The following TFB1M variants were observed in gnomAD, a reference collection of about 807,000 sequenced individuals.
The protein encoded by TFB1M is dimethyladenosine transferase 1, mitochondrial.
Under a neutral mutation model 31.1 loss-of-function variants are expected in TFB1M, and 27 were observed. The observed-to-expected ratio is 0.87, with a 90% CI of 0.64 to 1.20. The LOEUF is 1.20. Ranked by LOEUF, TFB1M falls within the 50% of genes most tolerant of loss-of-function variation. The probability of loss-of-function intolerance (pLI) is 0.00; values close to 1 mark genes in which losing one functional copy is unlikely to be tolerated. For synonymous variants in TFB1M, 166 were observed against 151.8 expected (o/e 1.09, Z -0.69); for missense variants, 394 against 418.7 (o/e 0.94, Z 0.51).
At chr6:155,275,804 A>G (rs1410263708) in intron 5 of TFB1M, 1 of 1,614,128 alleles carries the variant, frequency 6.2e-7, no homozygotes, top group South Asian at 1.1e-5. Context: ...TCTGCTGCCC[A>G]ACTGGAAGGT....
At position 155,262,167 on chromosome 6, in the gene TFB1M, G is replaced by T. The variant is rs2281839; in HGVS notation, c.667-1767C>A. 2.6e-5 allele frequency among the ~76,000 whole-genome samples: 4 copies of T among 152,266 alleles called. No homozygotes were observed. The East Asian group carries it at 7.7e-4, about 29-fold the overall frequency. On this transcript the variant is annotated intron_variant, in intron 5 of 6. Transcript: ENST00000367166. The stretch of plus-strand genomic sequence containing the variant: ...GTGGATGCAGGGTGTAGGTGGGGTA[G>T]ATGTACTGCTATAGGGAGAGAAGAA...
At chr6:155,250,451 G>T in the TFB1M span, 1 of 1,130,490 alleles carries the variant, frequency 8.8e-7, no homozygotes, top group African/African-American at 1.5e-5. Flanking sequence ...AAGTAGCATA[G>T]TTTAGGGAGA....
At chr6:155,279,861 A>C (rs1052185422) in intron 5 of TFB1M, among the ~76,000 whole-genome samples, 4 of 152,192 alleles carry the variant, frequency 2.6e-5, no homozygotes, top group African/African-American at 4.8e-5. Context: ...TTGTAATAGC[A>C]AATACTCTTA....
In TFB1M at chr6:155,281,492, C is replaced by T. The variant is rs561513957; in HGVS notation, c.666+3666G>A. Among the ~76,000 whole-genome samples the T allele has an allele frequency of 1.7e-3, 258 of 152,160 alleles. 1 individual carries two copies. The highest frequency in any genetic ancestry group is 5.9e-3 in the African/African-American group (243 of 41,516). On this transcript the variant is annotated intron_variant, in intron 5 of 6. Coordinates refer to ENST00000367166, the MANE Select transcript of TFB1M (RefSeq NM_016020.4). ...ATCCCAGCACTTTGGGAGGCCGAGGCGGATGGATCACCTGAGGCCAGGAGT... is the reference window on the plus strand; with the variant it reads ...ATCCCAGCACTTTGGGAGGCCGAGGTGGATGGATCACCTGAGGCCAGGAGT...
downstream of TFB1M, among the ~76,000 whole-genome samples, chr6:155,251,786 G>C (rs966517075): frequency 1.3e-5 from 2 of 152,204 alleles, no homozygotes; most frequent in South Asian, 4.1e-4. Context: ...TCAAATATGA[G>C]CGAAAGGGAA....
intron 4 of TFB1M, 94 bp from the exon 5 acceptor site, chr6:155,285,371 G>A (rs2114739995): frequency 3.3e-6 from 5 of 1,510,744 alleles, no homozygotes; most frequent in Non-Finnish European, 3.6e-6. Context: ...AACACTAGGT[G>A]GACTTTTTGA....
At chr6:155,233,940 G>T in the TFB1M span, among the ~76,000 whole-genome samples, 1 of 151,206 alleles carries the variant, frequency 6.6e-6, no homozygotes, top group African/African-American at 2.4e-5. Flanking sequence ...TCCAGCCTGG[G>T]TGGCAGAGTG....
chr6:155,266,539 G>A (rs1377972159), intron 5 of TFB1M, among the ~76,000 whole-genome samples: 2 of 152,072 alleles, frequency 1.3e-5, no homozygotes, highest in Admixed American at 6.5e-5. Context: ...CCCCAGTCTC[G>A]CTCACAGTTA....
chr6:155,277,862 T>C (rs569133390), intron 5 of TFB1M, among the ~76,000 whole-genome samples: 69 of 152,336 alleles, frequency 4.5e-4, no homozygotes, highest in African/African-American at 1.4e-3. Flanking sequence ...ATCCCATTAA[T>C]AGTTCTTCTC....
At chr6:155,286,509 ATGTG>A (rs1208811021) in intron 4 of TFB1M, among the ~76,000 whole-genome samples, 8 of 134,224 alleles carry the variant, frequency 6.0e-5, no homozygotes, top group Admixed American at 7.3e-5. Context: ...GTGTATATAT[ATGTG>A]TGTATATATA....
intron 5 of TFB1M, among the ~76,000 whole-genome samples, chr6:155,270,605 G>C (rs946393529): frequency 6.6e-6 from 1 of 152,064 alleles, no homozygotes; most frequent in Non-Finnish European, 1.5e-5. Flanking sequence ...CATGTTTTGA[G>C]AATAGAAATG....
chr6:155,289,258 G>C lies in TFB1M; in HGVS notation c.547-3981C>G, dbSNP rs180995738. Among the ~76,000 whole-genome samples the C allele has an allele frequency of 2.0e-3, 310 of 152,246 alleles. 1 individual carries two copies. Among genetic ancestry groups the C allele is most frequent in the African/African-American group, 7.1e-3 (296 of 41,534 alleles). ...TCCTCTGGAGATGGTGGGAGAAAAA[G>C]AGGCTGATGCTGGACCCAGAAAGAA... On this transcript the variant is annotated intron_variant, in intron 4 of 6. Coordinates refer to ENST00000367166, the MANE Select transcript of TFB1M (RefSeq NM_016020.4).
chr6:155,277,883 G>A (rs1186454688), intron 5 of TFB1M, among the ~76,000 whole-genome samples: 1 of 152,156 alleles, frequency 6.6e-6, no homozygotes, highest in Non-Finnish European at 1.5e-5. Context: ...TCACTTTGCT[G>A]AATGTGGCTG....
chr6:155,291,284 T>C (rs1011562195), intron 4 of TFB1M, among the ~76,000 whole-genome samples: 5 of 152,264 alleles, frequency 3.3e-5, no homozygotes, highest in Admixed American at 3.3e-4. Context: ...GATTGCTTGG[T>C]GTGGAAAAAA....
At chr6:155,250,786 G>C in the TFB1M span, 5 of 1,150,690 alleles carry the variant, frequency 4.3e-6, no homozygotes, top group African/African-American at 4.6e-5. Flanking sequence ...CATGTTTACA[G>C]GTATCATAAA....
chr6:155,307,646 C>A (rs1315562169), intron 2 of TFB1M, among the ~76,000 whole-genome samples: 1 of 152,096 alleles, frequency 6.6e-6, no homozygotes. Flanking sequence ...CTGTGATAAA[C>A]TCTCCATAAA....
At position 155,257,828 on chromosome 6, in the gene TFB1M, G is replaced by GGCA. The variant is rs1784170282; in HGVS notation, c.*5_*7dup. Reference sequence around the variant, plus strand: ...ACATCTGGTAGGCTGCTCGCCCCCAGGCAGCAGCTAGAGTCTGTAATTCTC... The same window carrying GGCA: ...ACATCTGGTAGGCTGCTCGCCCCCAGGCAGCAGCAGCTAGAGTCTGTAATTCTC... On this transcript the variant is annotated 3_prime_UTR_variant, in exon 7 of 7. Transcript: ENST00000367166. 6.2e-7 allele frequency: 1 copy of GGCA among 1,614,034 alleles called. No homozygotes were observed. The highest frequency in any genetic ancestry group is 8.5e-7 in the Non-Finnish European group (1 of 1,179,934).
intron 3 of TFB1M, 21 bp from the exon 4 acceptor site, chr6:155,297,125 A>C (rs550400083): frequency 6.2e-7 from 1 of 1,611,088 alleles, no homozygotes; most frequent in African/African-American, 1.3e-5. Flanking sequence ...AGGAAAAAAC[A>C]ACCTGAAATG....
intron 3 of TFB1M, 98 bp from the exon 4 acceptor site, chr6:155,297,202 C>T (rs1777216488): frequency 1.6e-6 from 2 of 1,286,744 alleles, no homozygotes; most frequent in Non-Finnish European, 2.2e-6. Context: ...TTAATAGCAT[C>T]AAAGAAAAAT....
Sources: gnomAD v4.1 joint callset for allele counts (sites outside exome capture counted in the v4.1 genomes callset) on GRCh38, gnomAD v4.1.1 for gene constraint, MANE v1.5 for transcripts, NCBI Gene and HGNC (gene_info 2026-07-23, HGNC 2026-07-21) for gene names.